Variants in CTNND2 observed in about 807,000 individuals in gnomAD.
CTNND2 encodes catenin delta-2.
A neutral mutation model predicts 144.4 loss-of-function variants in CTNND2; 22 were observed. That is an observed-to-expected ratio of 0.15 (90% CI 0.11 to 0.22). The LOEUF is 0.22. Ranked by LOEUF, CTNND2 falls within the 10% of genes least tolerant of loss-of-function variation. The pLI, the probability that CTNND2 is intolerant of heterozygous loss-of-function variation, is 1.00. For synonymous variants in CTNND2, 751 were observed against 695.6 expected, an observed-to-expected ratio of 1.08 and a Z score of -1.25; for missense variants, 1,353 against 1,618.8, an observed-to-expected ratio of 0.84 and a Z score of 2.82.
intron 9 of CTNND2, among the ~76,000 whole-genome samples, chr5:11,319,890 A>G (rs1367143898): frequency 6.6e-6 from 1 of 152,194 alleles, no homozygotes; most frequent in Non-Finnish European, 1.5e-5. Context: ...GCTGATGATC[A>G]GAATATTTTA....
chr5:11,244,687 T>C (rs1742816944), intron 9 of CTNND2, among the ~76,000 whole-genome samples: 1 of 152,226 alleles, frequency 6.6e-6, no homozygotes, highest in South Asian at 2.1e-4. Flanking sequence ...TCAACGGTTA[T>C]ACCATTTTTA....
Position 11,904,253 on chromosome 5 carries a change from C to G in CTNND2, c.-400G>C, listed in dbSNP as rs1453862510. On this transcript the variant is annotated 5_prime_UTR_variant, in exon 1 of 22. Coordinates refer to ENST00000304623, the MANE Select transcript of CTNND2 (RefSeq NM_001332.4). The surrounding 1 kb of genome is among the most constrained non-coding windows in gnomAD (Gnocchi z 4.2). ...GCGAGCCTGGGGCCGCCGCGGCGCC[C>G]GGCGCCGAGCGCTCCCGAGCTGCGC... 2.1e-5 allele frequency among the ~76,000 whole-genome samples: 3 copies of G among 145,682 alleles called. No individual in the cohort carries two copies.
intron 3 of CTNND2, among the ~76,000 whole-genome samples, chr5:11,476,974 A>C (rs1386957283): frequency 6.6e-6 from 1 of 152,212 alleles, no homozygotes; most frequent in Non-Finnish European, 1.5e-5. Context: ...TCCCACTTTA[A>C]CATAAAAAAC....
rs1735908875 is a variant in CTNND2 at position 10,972,045 on chromosome 5, G to A, written c.*1408C>T. On this transcript the variant is annotated 3_prime_UTR_variant, in exon 22 of 22. Transcript: ENST00000304623. ...TTTTAATAATCTATTCCATAGTTGT[G>A]TACTGCTCCCTGCCACATGAACAAA... 6.6e-6 allele frequency: 1 copy of A among 152,610 alleles called. No homozygotes were observed. The highest frequency in any genetic ancestry group is 2.1e-4 in the South Asian group (1 of 4,828). 9.5% of individuals were successfully genotyped at this position (152,610 alleles called of 1,614,324 possible).
intron 2 of CTNND2, among the ~76,000 whole-genome samples, chr5:11,613,208 A>G (rs910862039): frequency 6.6e-6 from 1 of 152,240 alleles, no homozygotes; most frequent in Non-Finnish European, 1.5e-5. Flanking sequence ...GATGGTATTC[A>G]TATGGCAATT....
chr5:11,035,967 C>A (rs1479999370), intron 16 of CTNND2, among the ~76,000 whole-genome samples: 1 of 152,098 alleles, frequency 6.6e-6, no homozygotes, highest in East Asian at 1.9e-4. Flanking sequence ...GCAAATGTTA[C>A]ATGAGTAGGG....
At chr5:11,717,805 T>C (rs953334024) in intron 2 of CTNND2, among the ~76,000 whole-genome samples, 1 of 152,062 alleles carries the variant, frequency 6.6e-6, no homozygotes, top group Admixed American at 6.5e-5. Flanking sequence ...GGGAACAGTA[T>C]GGGGGAAACT....
intron 1 of CTNND2, among the ~76,000 whole-genome samples, chr5:11,866,922 G>C (rs543081839): frequency 7.2e-5 from 11 of 152,164 alleles, no homozygotes; most frequent in Non-Finnish European, 1.2e-4. Context: ...ACCTTATCAC[G>C]AGCAGTAGAT....
chr5:11,538,078 A>C (rs1242545537), intron 3 of CTNND2, among the ~76,000 whole-genome samples: 2 of 152,228 alleles, frequency 1.3e-5, no homozygotes, highest in Admixed American at 1.3e-4. Context: ...CTGACCATCC[A>C]TTCCCTTACT....
At chr5:11,142,678 A>G (rs1355085060) in intron 12 of CTNND2, among the ~76,000 whole-genome samples, 1 of 142,916 alleles carries the variant, frequency 7.0e-6, no homozygotes, top group East Asian at 2.0e-4. Flanking sequence ...CAGTGGCGCG[A>G]TCTCGACTCA....
intron 2 of CTNND2, among the ~76,000 whole-genome samples, chr5:11,679,860 G>A (rs979382736): frequency 6.6e-6 from 1 of 152,128 alleles, no homozygotes; most frequent in East Asian, 1.9e-4. Flanking sequence ...TCATGGAGGC[G>A]GCATCCCAGT....
chr5:11,573,635 C>T (rs1411704265), intron 2 of CTNND2, among the ~76,000 whole-genome samples: 2 of 152,098 alleles, frequency 1.3e-5, no homozygotes, highest in Non-Finnish European at 2.9e-5. Context: ...GAAACTGTGG[C>T]AAAGAGCTGT....
Position 11,863,052 on chromosome 5 carries a change from A to G in CTNND2, c.37+40765T>C, listed in dbSNP as rs559073293. ...TGGCTGTCCCTAGTTTAGCAATGCA[A>G]CCTGAGTACATCTATTTTCTCGTAT... On this transcript the variant is annotated intron_variant, in intron 1 of 21. Coordinates refer to ENST00000304623, the MANE Select transcript of CTNND2 (RefSeq NM_001332.4). Among the ~76,000 whole-genome samples the G allele has an allele frequency of 8.5e-5, 13 of 152,302 alleles. No individual in the cohort carries two copies. In the East Asian group the frequency reaches 2.5e-3, roughly 29 times the overall value.
intron 5 of CTNND2, 55 bp downstream of exon 5, chr5:11,411,481 G>T: frequency 1.2e-6 from 1 of 852,550 alleles, no homozygotes; most frequent in Non-Finnish European, 2.0e-6. Context: ...TAGAAATAAT[G>T]ACATAATACT....
intron 9 of CTNND2, among the ~76,000 whole-genome samples, chr5:11,262,780 A>G (rs1302996): frequency 2.0e-5 from 3 of 147,400 alleles, no homozygotes; most frequent in Non-Finnish European, 3.0e-5. Context: ...AAAAAAAAAA[A>G]AAAAAAAAGA....
chr5:11,323,233 G>GGGC (rs1752215304), intron 9 of CTNND2, among the ~76,000 whole-genome samples: 1 of 118,046 alleles, frequency 8.5e-6, no homozygotes, highest in Non-Finnish European at 1.7e-5. Context: ...TTAGAGATTG[G>GGGC]GGGGGGGGGT....
chr5:11,713,411 T>C (rs1466761268), intron 2 of CTNND2, among the ~76,000 whole-genome samples: 2 of 151,794 alleles, frequency 1.3e-5, no homozygotes, highest in East Asian at 3.9e-4. Context: ...AAACCCCATC[T>C]CTACTAAAAA....
intron 16 of CTNND2, among the ~76,000 whole-genome samples, chr5:11,069,453 T>C (rs1747988555): frequency 6.6e-6 from 1 of 152,118 alleles, no homozygotes; most frequent in Non-Finnish European, 1.5e-5. Flanking sequence ...CTAAGTGAGT[T>C]ATAATGAAAA....
chr5:11,386,260 G>T (rs1759079113), intron 6 of CTNND2, among the ~76,000 whole-genome samples: 1 of 152,178 alleles, frequency 6.6e-6, no homozygotes, highest in East Asian at 1.9e-4. Context: ...GAGTAGGATT[G>T]TACACAGAGT....
Sources: allele counts gnomAD v4.1 joint callset (sites outside exome capture counted in the v4.1 genomes callset), GRCh38; gene constraint gnomAD v4.1.1; non-coding constraint Gnocchi (gnomAD v3.1); transcripts MANE v1.5; gene names NCBI Gene and HGNC (gene_info 2026-07-23, HGNC 2026-07-21).